Variants in DENND5A observed in about 807,000 individuals in gnomAD.
DENND5A encodes DENN domain-containing protein 5A.
DENND5A carries 64 observed loss-of-function variants against 140.3 expected under a neutral mutation model. The ratio of observed to expected loss-of-function variants is 0.46; its 90% CI spans 0.37 to 0.56. DENND5A has a LOEUF of 0.56. Among genes scored for constraint, DENND5A ranks in the 20% least tolerant of loss-of-function variants. DENND5A has a pLI of 0.00. For synonymous variants in DENND5A, 605 were observed against 607.7 expected (o/e 1.00, Z 0.07); for missense variants, 1,292 against 1,593.8 (o/e 0.81, Z 3.22).
At chr11:9,184,043 C>T (rs2136181736) in intron 5 of DENND5A, among the ~76,000 whole-genome samples, 1 of 149,252 alleles carries the variant, frequency 6.7e-6, no homozygotes, top group African/African-American at 2.5e-5. Context: ...AACAGTGAAA[C>T]TCCATCTCAA....
At chr11:9,234,428 G>A (rs776400266) in intron 1 of DENND5A, among the ~76,000 whole-genome samples, 11 of 151,752 alleles carry the variant, frequency 7.2e-5, no homozygotes, top group Non-Finnish European at 1.5e-4. Context: ...AGTAGTCAAC[G>A]AAATACAGAT....
intron 8 of DENND5A, among the ~76,000 whole-genome samples, chr11:9,174,027 C>T (rs1379623738): frequency 1.5e-5 from 2 of 135,250 alleles, no homozygotes; most frequent in African/African-American, 5.7e-5. Context: ...GGCGTGAACC[C>T]GGAAGGCAGA....
chr11:9,178,199 C>G lies in DENND5A; in HGVS notation c.1839G>C (p.Leu613=). 6.2e-7 allele frequency: 1 copy of G among 1,614,164 alleles called. No individual in the cohort carries two copies. The highest frequency in any genetic ancestry group is 1.1e-5 in the South Asian group (1 of 91,080). The change falls in exon 8 of 23, where the codon CTG becomes CTC. Residue 613 remains leucine, a synonymous_variant. Coordinates refer to ENST00000328194, the MANE Select transcript of DENND5A (RefSeq NM_015213.4). Reference sequence around the variant, plus strand: ...GGAGAGTAGGTGTCCGAACATTCAACAGCCTGATCTTGTCAACTCGGGAAT... The same window carrying G: ...GGAGAGTAGGTGTCCGAACATTCAAGAGCCTGATCTTGTCAACTCGGGAAT... ...VFDSRVDKIR[L]LNVRTPTLRT... is the part of the protein sequence containing the mutation.
At position 9,139,708 on chromosome 11, in the gene DENND5A, G is replaced by A. The variant is rs760247485; in HGVS notation, c.3827C>T (p.Thr1276Met). The A allele has an allele frequency of 9.9e-6, 16 of 1,613,910 alleles. No homozygotes were observed. Among genetic ancestry groups the A allele is most frequent in the Admixed American group, 5.0e-5 (3 of 59,970 alleles). The change falls in exon 23 of 23, where the codon ACG (threonine) becomes ATG (methionine). Residue 1276 changes from threonine to methionine, a missense_variant. Physicochemically the swap from Thr to Met is moderately conservative, Grantham distance 81. Coordinates refer to ENST00000328194, the MANE Select transcript of DENND5A (RefSeq NM_015213.4). ...VLQTLQEFNI[T>M]LETSLVKGID... is the part of the protein sequence containing the mutation. ...GCCCTTGACAAGGGACGTCTCCAGCGTGATGTTGAACTCCTGCAATGTCTG... is the reference window on the plus strand; with the variant it reads ...GCCCTTGACAAGGGACGTCTCCAGCATGATGTTGAACTCCTGCAATGTCTG...
chr11:9,215,796 C>T (rs1270725713), intron 1 of DENND5A, among the ~76,000 whole-genome samples: 3 of 152,054 alleles, frequency 2.0e-5, no homozygotes, highest in Admixed American at 6.6e-5. Flanking sequence ...AAGATCCGCC[C>T]GCCTCAGCCT....
Position 9,203,727 on chromosome 11 carries a change from C to G in DENND5A, c.882G>C (p.Gly294=), listed in dbSNP as rs903363142. ...TAAAAAGCTGAAACACATTCTCCAC[C>G]CCGAGCAGTTCAAAAACCTCTTTGA... ...FPVKEVFELL[G]VENVFQLFTC... Residue 294 remains glycine, a synonymous_variant, in exon 4 of 23, where the codon GGG becomes GGC. Transcript: ENST00000328194. 1 of 1,614,010 alleles carries G rather than the reference C, an allele frequency of 6.2e-7. No homozygotes were observed. The highest frequency in any genetic ancestry group is 1.3e-5 in the African/African-American group (1 of 74,910).
intron 19 of DENND5A, among the ~76,000 whole-genome samples, chr11:9,143,866 T>C (rs1847330528): frequency 6.6e-6 from 1 of 152,152 alleles, no homozygotes; most frequent in Admixed American, 6.5e-5. Flanking sequence ...AGCGCCCAGG[T>C]TTGGCAGCAT....
Position 9,231,505 on chromosome 11 carries a change from C to T in DENND5A, c.110-23873G>A, listed in dbSNP as rs190067454. On this transcript the variant is annotated intron_variant, in intron 1 of 22. Transcript: ENST00000328194. ...CAGAGGCAGGCAGATCACCTGAGGT[C>T]GGGAGTTGGAGACCAGCCTGACCAA... Among the ~76,000 whole-genome samples, 1,128 of 152,168 alleles carry T rather than the reference C, an allele frequency of 7.4e-3. 9 individuals are homozygous for T. The highest frequency in any genetic ancestry group is 0.013 in the African/African-American group (534 of 41,516).
chr11:9,188,888 C>T (rs1428973598), intron 5 of DENND5A, among the ~76,000 whole-genome samples: 1 of 152,246 alleles, frequency 6.6e-6, no homozygotes, highest in African/African-American at 2.4e-5. Context: ...ATCCCATTTT[C>T]TGAGGAGAAA....
chr11:9,162,582 C>G (rs1325009102), intron 11 of DENND5A, among the ~76,000 whole-genome samples: 1 of 151,962 alleles, frequency 6.6e-6, no homozygotes, highest in Admixed American at 6.6e-5. Context: ...CTTTGAAGCA[C>G]CCTACGTGCC....
chr11:9,160,637 A>G, intron 12 of DENND5A, 76 bp downstream of exon 12: 4 of 1,418,626 alleles, frequency 2.8e-6, no homozygotes, highest in Non-Finnish European at 2.9e-6. Context: ...CAGCTGGACA[A>G]AAAGAGTGTG....
chr11:9,229,420 C>T (rs2136247892), intron 1 of DENND5A, among the ~76,000 whole-genome samples: 1 of 152,148 alleles, frequency 6.6e-6, no homozygotes, highest in South Asian at 2.1e-4. Flanking sequence ...ACCGGAAGAC[C>T]TCAGAAATAG....
At position 9,142,774 on chromosome 11, in the gene DENND5A, A is replaced by G. The variant is rs748779932; in HGVS notation, c.3459T>C (p.His1153=). The G allele has an allele frequency of 3.1e-5, 50 of 1,614,056 alleles. No individual in the cohort carries two copies. The East Asian group carries it at 1.0e-3, about 32-fold the overall frequency. ...TGAAGAGCCGGGGCGATTTAAATCC[A>G]TGCTGGAAAGCCTGTTCCAAGGCCG... ...LVSALEQAFQ[H]GFKSPRLFKN... is the part of the protein sequence containing the mutation. The change falls in exon 21 of 23, where the codon CAT becomes CAC. Residue 1153 remains histidine (H), a synonymous_variant. Coordinates refer to ENST00000328194, the MANE Select transcript of DENND5A (RefSeq NM_015213.4).
chr11:9,178,426 A>G, intron 7 of DENND5A, 60 bp from the exon 8 acceptor site: 2 of 1,049,228 alleles, frequency 1.9e-6, no homozygotes, highest in Non-Finnish European at 1.5e-6. Flanking sequence ...AATGTGCCCA[A>G]GGGATCCAGT....
intron 3 of DENND5A, among the ~76,000 whole-genome samples, chr11:9,205,227 T>C (rs141094412): frequency 1.3e-5 from 2 of 152,188 alleles, no homozygotes; most frequent in East Asian, 1.9e-4. Flanking sequence ...CTGTTTTCAC[T>C]CTAATTCAGA....
At chr11:9,210,344 T>C (rs975178506) in intron 1 of DENND5A, among the ~76,000 whole-genome samples, 3 of 152,210 alleles carry the variant, frequency 2.0e-5, no homozygotes, top group African/African-American at 7.2e-5. Context: ...GATCCAGATA[T>C]AAGATCTAAA....
intron 1 of DENND5A, among the ~76,000 whole-genome samples, chr11:9,264,482 C>A (rs368307474): frequency 2.0e-4 from 31 of 152,098 alleles, no homozygotes; most frequent in East Asian, 1.3e-3. Flanking sequence ...ACTCAGGGGG[C>A]CCAGCCCAGG....
At chr11:9,233,371 C>T (rs1850857480) in intron 1 of DENND5A, among the ~76,000 whole-genome samples, 1 of 149,458 alleles carries the variant, frequency 6.7e-6, no homozygotes. Flanking sequence ...TGCACTCTAG[C>T]CTGGGCGACA....
intron 1 of DENND5A, among the ~76,000 whole-genome samples, chr11:9,225,764 A>T (rs1160905370): frequency 6.6e-6 from 1 of 152,036 alleles, no homozygotes; most frequent in Non-Finnish European, 1.5e-5. Flanking sequence ...TCTGTCTCAA[A>T]AAATATATAT....
Sources: gnomAD v4.1 joint callset for allele counts (sites outside exome capture counted in the v4.1 genomes callset) on GRCh38, gnomAD v4.1.1 for gene constraint, MANE v1.5 for transcripts, NCBI Gene and HGNC (gene_info 2026-07-23, HGNC 2026-07-21) for gene names.